Variants in ERH observed in about 807,000 individuals in gnomAD.
The protein encoded by ERH is enhancer of rudimentary homolog.
In ERH, 1 loss-of-function variant was observed where a neutral mutation model predicts 16.8. That is an observed-to-expected ratio of 0.06 (90% CI 0.02 to 0.28). ERH has a LOEUF of 0.28. ERH is among the 10% of genes least tolerant of loss of function. The probability of loss-of-function intolerance (pLI) is 1.00; values close to 1 mark genes in which losing one functional copy is unlikely to be tolerated. For synonymous variants in ERH, 43 were observed against 43.6 expected, an observed-to-expected ratio of 0.99 and a Z score of 0.05; for missense variants, 42 against 127.5, an observed-to-expected ratio of 0.33 and a Z score of 3.23.
rs1031339495 is a variant in ERH, at chr14:69,380,378, C to T, written c.*160G>A. On this transcript the variant is annotated 3_prime_UTR_variant, in exon 4 of 4. Transcript: ENST00000557016. ...AAAAAGAGGAGGTAACGGGGGTTTC[C>T]GATTGAACAAGATCCTCACATTTCA... is the stretch of plus-strand genomic sequence containing the variant. 22 of 441,860 alleles carry T rather than the reference C, an allele frequency of 5.0e-5. No individual in the cohort carries two copies. In the Middle Eastern group the frequency reaches 1.8e-3, roughly 36 times the overall value. The allele number at this position is 441,860 out of a possible 1,614,324, so 27.4% of individuals were successfully genotyped here.
chr14:69,390,834 T>C (rs2045920171), intron 2 of ERH, among the ~76,000 whole-genome samples: 2 of 152,048 alleles, frequency 1.3e-5, no homozygotes, highest in South Asian at 4.1e-4. Context: ...AATCACTCAA[T>C]GAAAAATAGG....
intron 3 of ERH, among the ~76,000 whole-genome samples, chr14:69,386,097 G>C (rs2045890860): frequency 6.6e-6 from 1 of 152,194 alleles, no homozygotes; most frequent in African/African-American, 2.4e-5. Flanking sequence ...TGTTCTGAGT[G>C]ATCAAAGTGA....
intron 2 of ERH, among the ~76,000 whole-genome samples, chr14:69,389,568 C>G (rs141022761): frequency 5.1e-4 from 78 of 152,156 alleles, no homozygotes; most frequent in African/African-American, 1.7e-3. Flanking sequence ...TCTATTAGAA[C>G]TAAGAAATGA....
At chr14:69,394,552 G>C (rs889143965) in intron 2 of ERH, among the ~76,000 whole-genome samples, 5 of 152,186 alleles carry the variant, frequency 3.3e-5, no homozygotes, top group African/African-American at 9.7e-5. Flanking sequence ...AGCCGAGATC[G>C]CATTACTGCA....
chr14:69,398,071 G>T lies in ERH; in HGVS notation c.3+160C>A, dbSNP rs1276517842. 3.2e-6 allele frequency: 3 copies of T among 936,528 alleles called. No homozygotes were observed. The East Asian group carries it at 7.9e-5, about 25-fold the overall frequency. The allele number at this position is 936,528 out of a possible 1,614,324, so 58.0% of individuals were successfully genotyped here. A position where few individuals can be genotyped will look rare whatever the true frequency, so the allele number is the denominator to read the frequency against. ...GCTCCGAGGCCTAGAGTCAGGCCTG[G>T]CGTCCCTGCGGCGGGAAGAAGGGTC... is the stretch of plus-strand genomic sequence containing the variant. On this transcript the variant is annotated intron_variant, in intron 1 of 3. Transcript: ENST00000557016.
intron 3 of ERH, among the ~76,000 whole-genome samples, chr14:69,383,907 G>A (rs182311562): frequency 2.6e-5 from 4 of 152,252 alleles, no homozygotes; most frequent in Admixed American, 2.0e-4. Context: ...CACTCCTTGG[G>A]GAGGCTGAGG....
At chr14:69,389,725 A>C (rs1426503742) in intron 2 of ERH, among the ~76,000 whole-genome samples, 1 of 152,200 alleles carries the variant, frequency 6.6e-6, no homozygotes, top group East Asian at 1.9e-4. Context: ...AACGAAACAA[A>C]AGTAGTACAA....
chr14:69,392,748 G>C (rs572673693), intron 2 of ERH, among the ~76,000 whole-genome samples: 17 of 152,228 alleles, frequency 1.1e-4, no homozygotes, highest in African/African-American at 3.4e-4. Flanking sequence ...CCACACCAGT[G>C]AAATTCATTA....
intron 2 of ERH, among the ~76,000 whole-genome samples, chr14:69,392,500 G>A (rs1882242274): frequency 6.6e-6 from 1 of 152,174 alleles, no homozygotes; most frequent in South Asian, 2.1e-4. Flanking sequence ...AAAGACCAAT[G>A]GTTCCCAGAG....
chr14:69,390,657 A>G (rs2045919001), intron 2 of ERH, among the ~76,000 whole-genome samples: 1 of 152,218 alleles, frequency 6.6e-6, no homozygotes, highest in African/African-American at 2.4e-5. Flanking sequence ...CAAAAACACA[A>G]AAATATGCAA....
intron 1 of ERH, among the ~76,000 whole-genome samples, chr14:69,397,565 G>A (rs1027672137): frequency 6.7e-6 from 1 of 149,934 alleles, no homozygotes; most frequent in African/African-American, 2.5e-5. Context: ...TCAGCTTCGA[G>A]AATAGTTAGA....
chr14:69,386,376 C>T (rs938222968), intron 3 of ERH, among the ~76,000 whole-genome samples: 6 of 152,136 alleles, frequency 3.9e-5, no homozygotes, highest in East Asian at 1.9e-4. Flanking sequence ...CCATTTTCCT[C>T]GGTTAAATGA....
intron 3 of ERH, among the ~76,000 whole-genome samples, chr14:69,381,335 A>G (rs545627057): frequency 1.3e-5 from 2 of 152,292 alleles, no homozygotes; most frequent in South Asian, 4.1e-4. Flanking sequence ...TAACTAAAAA[A>G]CCTTTAAAAA....
chr14:69,391,741 T>C (rs1399525102), intron 2 of ERH, among the ~76,000 whole-genome samples: 2 of 141,096 alleles, frequency 1.4e-5, no homozygotes, highest in Non-Finnish European at 3.0e-5. Context: ...AACTCTAACA[T>C]GACATTCCAG....
chr14:69,398,028 A>G, intron 1 of ERH: 2 of 664,414 alleles, frequency 3.0e-6, no homozygotes, highest in South Asian at 1.9e-5. Context: ...CGGGCGCGCA[A>G]CCGCAGGGCG....
chr14:69,397,985 A>C, intron 1 of ERH: 1 of 599,960 alleles, frequency 1.7e-6, no homozygotes, highest in South Asian at 2.0e-5. Context: ...GTTCATCCTC[A>C]GGCCCAAGGC....
intron 1 of ERH, among the ~76,000 whole-genome samples, chr14:69,397,617 G>A (rs1882383800): frequency 6.6e-6 from 1 of 152,188 alleles, no homozygotes; most frequent in Admixed American, 6.5e-5. Context: ...AGAGCATTTG[G>A]AGGGAAAAAT....
intron 2 of ERH, among the ~76,000 whole-genome samples, chr14:69,392,943 A>C (rs1448551049): frequency 6.6e-6 from 1 of 152,210 alleles, no homozygotes; most frequent in African/African-American, 2.4e-5. Context: ...CAAAATCTAC[A>C]TCAATAGCAG....
chr14:69,386,836 C>CTA (rs2140230707), intron 3 of ERH, 127 bp downstream of exon 3: 1 of 793,536 alleles, frequency 1.3e-6, no homozygotes, highest in South Asian at 2.0e-5. Context: ...ATATTAATTA[C>CTA]TATACACTAT....
Sources: allele counts gnomAD v4.1 joint callset (sites outside exome capture counted in the v4.1 genomes callset), GRCh38; gene constraint gnomAD v4.1.1; transcripts MANE v1.5; gene names NCBI Gene and HGNC (gene_info 2026-07-23, HGNC 2026-07-21).